CNTN5: variants seen among roughly 807,000 people sequenced by gnomAD.
CNTN5 encodes the protein contactin 5.
Under a neutral mutation model 129.1 loss-of-function variants are expected in CNTN5, and 77 were observed. That is an observed-to-expected ratio of 0.60 (90% confidence interval 0.50 to 0.72). CNTN5 has a LOEUF of 0.72. Among genes scored for constraint, CNTN5 ranks in the 30% least tolerant of loss-of-function variants. CNTN5 has a pLI of 0.00. For synonymous variants in CNTN5, 509 were observed against 465.6 expected, an observed-to-expected ratio of 1.09 and a Z score of -1.20; for missense variants, 1,478 against 1,328.8, an observed-to-expected ratio of 1.11 and a Z score of -1.75.
rs140378914 is a variant in CNTN5, at chr11:99,601,138, T to G, written c.55+44869T>G. On this transcript the variant is annotated intron_variant, in intron 3 of 24. Coordinates refer to ENST00000524871, the MANE Select transcript of CNTN5 (RefSeq NM_014361.4). ...TTTAATAAGTATTTGTTAAATAAAT[T>G]TCTGATTTCATCTGCCATCTCTCTA... 3.1e-3 allele frequency among the ~76,000 whole-genome samples: 475 copies of G among 152,356 alleles called. 2 individuals are homozygous for G. Among genetic ancestry groups the G allele is most frequent in the African/African-American group, 0.011 (439 of 41,574 alleles).
rs572226071 is a variant in CNTN5 at position 99,928,639 on chromosome 11, C to G, written c.673+12490C>G. Among the ~76,000 whole-genome samples the G allele has an allele frequency of 5.9e-5, 9 of 152,296 alleles. No homozygotes were observed. The South Asian group carries it at 1.9e-3, about 32-fold the overall frequency. ...GGATGCAGGGCACCAAGTCTTGAGT[C>G]TGCACAAAGCAGCAGGGCCCTGGGC... On this transcript the variant is annotated intron_variant, in intron 7 of 24. Coordinates refer to ENST00000524871, the MANE Select transcript of CNTN5 (RefSeq NM_014361.4).
intron 6 of CNTN5, among the ~76,000 whole-genome samples, chr11:99,862,541 G>C (rs992769369): frequency 1.3e-5 from 2 of 151,962 alleles, no homozygotes; most frequent in Non-Finnish European, 1.5e-5. Context: ...CATGTATGCT[G>C]TACTAACTCC....
At chr11:99,521,478 A>C (rs558876635) in intron 2 of CNTN5, among the ~76,000 whole-genome samples, 1 of 152,326 alleles carries the variant, frequency 6.6e-6, no homozygotes, top group East Asian at 1.9e-4. Flanking sequence ...AATTGTATTT[A>C]TCATTTTCAA....
intron 1 of CNTN5, among the ~76,000 whole-genome samples, chr11:99,241,622 C>T (rs544622679): frequency 2.0e-5 from 3 of 151,938 alleles, no homozygotes; most frequent in East Asian, 1.9e-4. Flanking sequence ...ATTGGCTGTC[C>T]GTTTTTAAAA....
chr11:100,024,746 G>T (rs1941327754), intron 9 of CNTN5, among the ~76,000 whole-genome samples: 1 of 152,180 alleles, frequency 6.6e-6, no homozygotes, highest in Admixed American at 6.5e-5. Context: ...GTGGAACTTT[G>T]AACCTGAGAG....
intron 18 of CNTN5, among the ~76,000 whole-genome samples, chr11:100,276,531 A>C (rs1483108571): frequency 8.2e-6 from 1 of 122,420 alleles, no homozygotes; most frequent in African/African-American, 4.7e-5. Flanking sequence ...CTCTCTCAAA[A>C]AAAAAAAAAA....
chr11:99,330,701 T>A (rs1865965416), intron 2 of CNTN5, among the ~76,000 whole-genome samples: 1 of 152,094 alleles, frequency 6.6e-6, no homozygotes, highest in South Asian at 2.1e-4. Flanking sequence ...GCCTCAGTGC[T>A]GGAAGCTGTG....
chr11:99,514,263 C>G (rs1179035756), intron 2 of CNTN5, among the ~76,000 whole-genome samples: 1 of 151,918 alleles, frequency 6.6e-6, no homozygotes, highest in Non-Finnish European at 1.5e-5. Flanking sequence ...GGATGAGTAA[C>G]AAAAGTAATT....
chr11:100,244,994 T>C (rs1423648086), intron 16 of CNTN5, among the ~76,000 whole-genome samples: 2 of 152,206 alleles, frequency 1.3e-5, no homozygotes, highest in Non-Finnish European at 2.9e-5. Flanking sequence ...ACTAAAGGAT[T>C]TCTCAGTTAT....
chr11:99,273,048 T>C (rs766138830), intron 1 of CNTN5, among the ~76,000 whole-genome samples: 18 of 151,544 alleles, frequency 1.2e-4, no homozygotes, highest in Non-Finnish European at 1.9e-4. Flanking sequence ...ATAACAATGA[T>C]TGTGTCATGG....
chr11:99,267,434 C>T (rs1161920908), intron 1 of CNTN5, among the ~76,000 whole-genome samples: 6 of 151,758 alleles, frequency 4.0e-5, no homozygotes. Flanking sequence ...TTTTTGGTAT[C>T]TATGTTACAG....
At chr11:99,841,642 GAGGAGAATGAAGGAGA>G (rs1320509465) in intron 4 of CNTN5, among the ~76,000 whole-genome samples, 2 of 151,646 alleles carry the variant, frequency 1.3e-5, no homozygotes, top group East Asian at 3.9e-4. Flanking sequence ...AGAAGAGGAG[GAGGAGAATGAAGGAGA>G]AGGAGAATGA....
chr11:100,026,941 G>A (rs1228367248), intron 9 of CNTN5, among the ~76,000 whole-genome samples: 1 of 151,646 alleles, frequency 6.6e-6, no homozygotes, highest in Non-Finnish European at 1.5e-5. Context: ...TATCTAAAAT[G>A]TCATTATCAA....
chr11:99,932,624 A>G (rs1950218750), intron 7 of CNTN5, among the ~76,000 whole-genome samples: 1 of 152,292 alleles, frequency 6.6e-6, no homozygotes, highest in African/African-American at 2.4e-5. Context: ...AAGAAATATA[A>G]CATGTTCTTA....
At chr11:100,257,088 G>A (rs1482439458) in intron 17 of CNTN5, among the ~76,000 whole-genome samples, 3 of 152,130 alleles carry the variant, frequency 2.0e-5, no homozygotes, top group African/African-American at 4.8e-5. Flanking sequence ...TGGGATGCTT[G>A]AGCTTGGTCA....
At chr11:99,313,182 T>C (rs1051246977) in intron 1 of CNTN5, among the ~76,000 whole-genome samples, 11 of 151,508 alleles carry the variant, frequency 7.3e-5, no homozygotes, top group African/African-American at 2.7e-4. Flanking sequence ...CAAATAGAAA[T>C]CAAATCGGCT....
intron 1 of CNTN5, among the ~76,000 whole-genome samples, chr11:99,251,300 G>A (rs1442462526): frequency 6.6e-6 from 1 of 151,818 alleles, no homozygotes; most frequent in Non-Finnish European, 1.5e-5. Context: ...ACTCTGTCTG[G>A]TTAATTAAGA....
At chr11:100,335,280 C>A (rs375173229) in intron 21 of CNTN5, among the ~76,000 whole-genome samples, 2 of 152,270 alleles carry the variant, frequency 1.3e-5, no homozygotes, top group African/African-American at 4.8e-5. Flanking sequence ...AAGTTCACAA[C>A]TCACCCAGTA....
chr11:100,109,813 G>A (rs1278286014), intron 13 of CNTN5, among the ~76,000 whole-genome samples: 1 of 152,098 alleles, frequency 6.6e-6, no homozygotes, highest in African/African-American at 2.4e-5. Flanking sequence ...GGAATGTAAG[G>A]CATTCATTTC....
Sources: allele counts gnomAD v4.1 joint callset (sites outside exome capture counted in the v4.1 genomes callset), GRCh38; gene constraint gnomAD v4.1.1; transcripts MANE v1.5; gene names NCBI Gene and HGNC (gene_info 2026-07-23, HGNC 2026-07-21).